The following EPCAM variants were observed in gnomAD, a reference collection of about 807,000 sequenced individuals.
EPCAM encodes adenocarcinoma-associated antigen.
In EPCAM, 39 loss-of-function variants were observed where a neutral mutation model predicts 40.0. The ratio of observed to expected loss-of-function variants is 0.98; its 90% CI spans 0.76 to 1.27. The LOEUF is 1.27. EPCAM is among the 50% of genes most tolerant of loss of function. The pLI is 0.00. For missense variants in EPCAM, 503 were observed against 381.2 expected (o/e 1.32, Z -2.66); for synonymous variants, 168 against 132.3 (o/e 1.27, Z -1.85).
At position 47,386,726 on chromosome 2, in the gene EPCAM, T is replaced by C; in HGVS notation, c.*113T>C. ...AGGTCATGAGTTTGTTAGTTTAACA[T>C]CATATATTTGTAATAGTGAAACCTG... On this transcript the variant is annotated 3_prime_UTR_variant, in exon 9 of 9. Coordinates refer to ENST00000263735, the MANE Select transcript of EPCAM (RefSeq NM_002354.3). 2.4e-6 allele frequency: 2 copies of C among 847,164 alleles called. No individual in the cohort carries two copies. The highest frequency in any genetic ancestry group is 3.0e-5 in the South Asian group (2 of 65,784). The allele number at this position is 847,164 out of a possible 1,614,324, so 52.5% of individuals were successfully genotyped here.
At chr2:47,372,366 G>C (rs1671293168) in intron 1 of EPCAM, among the ~76,000 whole-genome samples, 1 of 152,022 alleles carries the variant, frequency 6.6e-6, no homozygotes, top group African/African-American at 2.4e-5. Flanking sequence ...AGCCGGGCAT[G>C]GTGGCTCACG....
intron 1 of EPCAM, among the ~76,000 whole-genome samples, chr2:47,372,687 G>C (rs1474757251): frequency 6.6e-6 from 1 of 151,200 alleles, no homozygotes; most frequent in Admixed American, 6.6e-5. Flanking sequence ...CAGGAGAATC[G>C]CTTGATCCTG....
chr2:47,374,222 A>G (rs1193836770), intron 3 of EPCAM, among the ~76,000 whole-genome samples, 174 bp downstream of exon 3: 1 of 152,152 alleles, frequency 6.6e-6, no homozygotes, highest in Admixed American at 6.6e-5. Context: ...CCTCCACAGA[A>G]TTGATGTTAT....
rs542161908 is a variant in EPCAM, at chr2:47,384,564, C to T, written c.859-602C>T. Among the ~76,000 whole-genome samples, 9 of 151,796 alleles carry T rather than the reference C, an allele frequency of 5.9e-5. No homozygotes were observed. In the East Asian group the frequency reaches 1.7e-3, roughly 29 times the overall value. On this transcript the variant is annotated intron_variant, in intron 7 of 8. Coordinates refer to ENST00000263735, the MANE Select transcript of EPCAM (RefSeq NM_002354.3). ...AAGTAGCTGGGATTACAGGCGACCA[C>T]CACCGCGCCTGGCTAATTTTTTTGT... is the stretch of plus-strand genomic sequence containing the variant.
intron 7 of EPCAM, among the ~76,000 whole-genome samples, chr2:47,384,094 T>TTTTTA (rs1573404811): frequency 6.6e-6 from 1 of 151,826 alleles, no homozygotes; most frequent in South Asian, 2.1e-4. Flanking sequence ...GTAGTGAAAG[T>TTTTTA]TTTTATTTTA....
chr2:47,369,638 C>G (rs746808024), intron 1 of EPCAM, 57 bp downstream of exon 1: 1 of 1,509,404 alleles, frequency 6.6e-7, no homozygotes, highest in Non-Finnish European at 9.0e-7. Context: ...GGGCAGCGGC[C>G]CCCGGCCCTC....
Position 47,372,282 on chromosome 2 carries a change from G to A in EPCAM, c.77-1181G>A, listed in dbSNP as rs776857614. Among the ~76,000 whole-genome samples the A allele has an allele frequency of 2.5e-4, 38 of 152,260 alleles. 1 individual carries two copies. Among genetic ancestry groups the A allele is most frequent in the African/African-American group, 8.2e-4 (34 of 41,556 alleles). On this transcript the variant is annotated intron_variant, in intron 1 of 8. Transcript: ENST00000263735. ...CCTCATTTAAGAAAATGGGGTGGGA[G>A]AGCAAGAGAAGGTGAGGATTCACAG...
At chr2:47,374,257 A>G (rs1385577881) in intron 3 of EPCAM, among the ~76,000 whole-genome samples, 1 of 152,028 alleles carries the variant, frequency 6.6e-6, no homozygotes, top group Non-Finnish European at 1.5e-5. Context: ...CCTTCCAGAG[A>G]TAGTTGATGA....
chr2:47,386,545 T>G (rs573518735), intron 8 of EPCAM, 27 bp from the exon 9 acceptor site: 1 of 1,574,680 alleles, frequency 6.4e-7, no homozygotes, highest in East Asian at 2.2e-5. Flanking sequence ...TATTTAGAAT[T>G]TTTTTCTGTG....
chr2:47,381,678 A>C lies in EPCAM; in HGVS notation c.858+1709A>C, dbSNP rs149143187. Among the ~76,000 whole-genome samples the C allele has an allele frequency of 3.9e-4, 59 of 152,290 alleles. 2 individuals carry two copies. The East Asian group carries it at 0.011, about 28-fold the overall frequency. ...ATACAAAAAAGTAAACTCCCAAGAAAATTAATTGAGGGAATGTTTGTACAA... is the reference window on the plus strand; with the variant it reads ...ATACAAAAAAGTAAACTCCCAAGAACATTAATTGAGGGAATGTTTGTACAA... On this transcript the variant is annotated intron_variant, in intron 7 of 8. Transcript: ENST00000263735.
intron 1 of EPCAM, among the ~76,000 whole-genome samples, chr2:47,372,634 T>G (rs1209155759): frequency 6.6e-6 from 1 of 152,026 alleles, no homozygotes; most frequent in African/African-American, 2.4e-5. Context: ...TAGCCAGGTG[T>G]GGTGGCATAC....
At chr2:47,376,883 T>C in intron 4 of EPCAM, 131 bp from the exon 5 acceptor site, 1 of 654,948 alleles carries the variant, frequency 1.5e-6, no homozygotes, top group Non-Finnish European at 2.7e-6. Context: ...TTATGATAGT[T>C]GCAAAATGGC....
At position 47,379,036 on chromosome 2, in the gene EPCAM, T is replaced by G; in HGVS notation, c.639T>G (p.Ala213=). Residue 213 remains alanine, a synonymous_variant, in exon 6 of 9, where the codon GCT becomes GCG. Coordinates refer to ENST00000263735, the MANE Select transcript of EPCAM (RefSeq NM_002354.3). The stretch of plus-strand genomic sequence containing the variant: ...ATGATGTGGACATAGCTGATGTGGC[T>G]TATTATTTTGAAAAAGATGTGAGTA... ...TQNDVDIADV[A]YYFEKDVKGE... is the part of the protein sequence containing the mutation. The G allele has an allele frequency of 1.3e-6, 2 of 1,587,416 alleles. No homozygotes were observed. The highest frequency in any genetic ancestry group is 3.3e-5 in the Admixed American group (2 of 59,984).
At chr2:47,376,106 A>G (rs1671416582) in intron 4 of EPCAM, among the ~76,000 whole-genome samples, 1 of 152,068 alleles carries the variant, frequency 6.6e-6, no homozygotes, top group Admixed American at 6.6e-5. Flanking sequence ...TCCATGTATC[A>G]CATTTAGTTG....
chr2:47,382,620 A>G (rs930580170), intron 7 of EPCAM, among the ~76,000 whole-genome samples: 3 of 152,198 alleles, frequency 2.0e-5, no homozygotes, highest in Non-Finnish European at 4.4e-5. Flanking sequence ...CAGGAGGCAG[A>G]GGTTGTAGTG....
intron 1 of EPCAM, among the ~76,000 whole-genome samples, chr2:47,369,984 G>A (rs1671206699): frequency 6.6e-6 from 1 of 152,200 alleles, no homozygotes; most frequent in Non-Finnish European, 1.5e-5. Context: ...CTTTACGACA[G>A]GGACCAGCGG....
intron 7 of EPCAM, among the ~76,000 whole-genome samples, chr2:47,381,153 T>TGA (rs1671578459): frequency 6.8e-6 from 1 of 147,606 alleles, no homozygotes; most frequent in Non-Finnish European, 1.5e-5. Flanking sequence ...TCCCAGCACT[T>TGA]TGGGAGGCTG....
intron 1 of EPCAM, among the ~76,000 whole-genome samples, chr2:47,372,614 A>C (rs1009190072): frequency 1.3e-5 from 2 of 152,134 alleles, no homozygotes; most frequent in African/African-American, 4.8e-5. Context: ...TCTACTAAAA[A>C]TACAAAAATT....
At position 47,379,424 on chromosome 2, in the gene EPCAM, GTGAGGTATTTTCTGC is replaced by G. The variant is rs559864329; in HGVS notation, c.658-341_658-327del. The stretch of plus-strand genomic sequence containing the variant: ...TTTGTTGAAACTTTAATATATTATA[GTGAGGTATTTTCTGC>G]TGAAATATGAGGTTTGCTTCAAAAT... On this transcript the variant is annotated intron_variant, in intron 6 of 8. Transcript: ENST00000263735. 3.8e-3 allele frequency among the ~76,000 whole-genome samples: 572 copies of G among 152,246 alleles called. 5 individuals carry two copies. Among genetic ancestry groups the G allele is most frequent in the African/African-American group, 0.013 (553 of 41,548 alleles).
Sources: gnomAD v4.1 joint callset for allele counts (sites outside exome capture counted in the v4.1 genomes callset) on GRCh38, gnomAD v4.1.1 for gene constraint, MANE v1.5 for transcripts, NCBI Gene and HGNC (gene_info 2026-07-23, HGNC 2026-07-21) for gene names.